Variants in C10orf90 observed in about 807,000 individuals in gnomAD.
The protein encoded by C10orf90 is chromosome 10 open reading frame 90.
C10orf90 carries 56 observed loss-of-function variants against 62.5 expected under a neutral mutation model. The ratio of observed to expected loss-of-function variants is 0.90; its 90% CI spans 0.72 to 1.12. The LOEUF (loss-of-function observed/expected upper bound fraction) is 1.12. Ranked by LOEUF, C10orf90 falls within the 50% of genes most tolerant of loss-of-function variation. The pLI is 0.00. For missense variants in C10orf90, 970 were observed against 880.4 expected (o/e 1.10, Z -1.29); for synonymous variants, 386 against 340.4 (o/e 1.13, Z -1.47).
At chr10:126,554,063 C>T (rs548707519) in intron 2 of C10orf90, among the ~76,000 whole-genome samples, 65 of 152,034 alleles carry the variant, frequency 4.3e-4, no homozygotes, top group Middle Eastern at 3.4e-3. Flanking sequence ...CAGACACACA[C>T]GCACACACAC....
chr10:126,574,079 A>G (rs1388604958), intron 2 of C10orf90, among the ~76,000 whole-genome samples: 1 of 152,214 alleles, frequency 6.6e-6, no homozygotes, highest in Non-Finnish European at 1.5e-5. Flanking sequence ...CCATAGAAGT[A>G]TAAAAAAGGG....
At chr10:126,470,102 C>T (rs772931823) in intron 4 of C10orf90, 2 of 444,694 alleles carry the variant, frequency 4.5e-6, no homozygotes, top group South Asian at 1.6e-5. Context: ...GGGGAAGGCA[C>T]TCTTCTGCAT....
chr10:126,457,584 G>C (rs960080870), intron 7 of C10orf90, among the ~76,000 whole-genome samples: 1 of 152,196 alleles, frequency 6.6e-6, no homozygotes, highest in Non-Finnish European at 1.5e-5. Flanking sequence ...TGTGAGTCTT[G>C]AGCTCTAAAG....
chr10:126,465,123 T>G (rs774832013), intron 4 of C10orf90, 137 bp from the exon 5 acceptor site: 123 of 825,118 alleles, frequency 1.5e-4, no homozygotes, highest in Non-Finnish European at 1.9e-4. Context: ...AGGAGGGCCA[T>G]CTGTATACAG....
rs111356116 is a variant in C10orf90, at chr10:126,621,746, A to G, written c.313+24819T>C. 4.9e-3 allele frequency among the ~76,000 whole-genome samples: 750 copies of G among 152,306 alleles called. 5 individuals are homozygous for G. Among genetic ancestry groups the G allele is most frequent in the African/African-American group, 0.016 (656 of 41,564 alleles). ...TCTGAGGCCGTTCCACTCATTCTTG[A>G]TATTAATAAAAATTCCTCTGTATGA... On this transcript the variant is annotated intron_variant, in intron 2 of 9. Transcript: ENST00000488181.
chr10:126,603,899 G>A (rs1845251890), intron 2 of C10orf90, among the ~76,000 whole-genome samples: 1 of 152,208 alleles, frequency 6.6e-6, no homozygotes, highest in Non-Finnish European at 1.5e-5. Context: ...ATCAAGGCCA[G>A]CTTGACAGGA....
chr10:126,634,701 A>T (rs556971526), intron 2 of C10orf90, among the ~76,000 whole-genome samples: 2 of 152,348 alleles, frequency 1.3e-5, no homozygotes, highest in Admixed American at 1.3e-4. Flanking sequence ...CCTCATAAAA[A>T]CAATGCAAGG....
rs536593861 is a variant in C10orf90, at chr10:126,524,076, T to C, written c.314-10137A>G. Among the ~76,000 whole-genome samples, 10 of 152,334 alleles carry C rather than the reference T, an allele frequency of 6.6e-5. No homozygotes were observed. In the East Asian group the frequency reaches 1.9e-3, roughly 29 times the overall value. ...TCTGATTTCAATTCCTTCTTAAGAA[T>C]TGTCTTTTGCCTTTCATGCTATGGT... On this transcript the variant is annotated intron_variant, in intron 2 of 9. Coordinates refer to ENST00000488181, the MANE Select transcript of C10orf90 (RefSeq NM_001350921.2).
chr10:126,571,491 C>T (rs1844505077), intron 2 of C10orf90, among the ~76,000 whole-genome samples: 1 of 152,176 alleles, frequency 6.6e-6, no homozygotes, highest in African/African-American at 2.4e-5. Flanking sequence ...ACTGGGAAGC[C>T]TCCAGGCATA....
chr10:126,440,511 C>T (rs1858236734), intron 7 of C10orf90, among the ~76,000 whole-genome samples: 1 of 152,148 alleles, frequency 6.6e-6, no homozygotes, highest in Non-Finnish European at 1.5e-5. Context: ...GCCCTGCCTA[C>T]TGCCGGTTCC....
At chr10:126,626,977 A>G in intron 2 of C10orf90, among the ~76,000 whole-genome samples, 1 of 140,356 alleles carries the variant, frequency 7.1e-6, no homozygotes. Flanking sequence ...TGTGATTTAG[A>G]TTTTTCTTTT....
intron 1 of C10orf90, among the ~76,000 whole-genome samples, chr10:126,662,690 A>G (rs1208192072): frequency 6.6e-6 from 1 of 152,164 alleles, no homozygotes; most frequent in African/African-American, 2.4e-5. Flanking sequence ...CCACTCTTCC[A>G]TAAAGAATGT....
intron 4 of C10orf90, among the ~76,000 whole-genome samples, chr10:126,471,067 G>T (rs547758391): frequency 1.3e-5 from 2 of 152,276 alleles, no homozygotes; most frequent in South Asian, 2.1e-4. Flanking sequence ...AGTCAAAAAA[G>T]GTAGGAGGAG....
At chr10:126,656,030 C>A (rs563620800) in intron 1 of C10orf90, among the ~76,000 whole-genome samples, 1 of 152,120 alleles carries the variant, frequency 6.6e-6, no homozygotes, top group South Asian at 2.1e-4. Flanking sequence ...GACTTTCACA[C>A]CTTCTCAGAA....
In C10orf90 at chr10:126,628,356, G is replaced by A. The variant is rs569457000; in HGVS notation, c.313+18209C>T. On this transcript the variant is annotated intron_variant, in intron 2 of 9. Coordinates refer to ENST00000488181, the MANE Select transcript of C10orf90 (RefSeq NM_001350921.2). ...CATTAGGTGGTGGAAAGGAAAAATGGGTGGGTGGATGGATGGATAGATCTA... is the reference window on the plus strand; with the variant it reads ...CATTAGGTGGTGGAAAGGAAAAATGAGTGGGTGGATGGATGGATAGATCTA... Among the ~76,000 whole-genome samples, 5 of 152,314 alleles carry A rather than the reference G, an allele frequency of 3.3e-5. No individual in the cohort carries two copies. The East Asian group carries it at 5.8e-4, about 18-fold the overall frequency.
chr10:126,588,525 T>G (rs1451366039), intron 2 of C10orf90, among the ~76,000 whole-genome samples: 1 of 152,170 alleles, frequency 6.6e-6, no homozygotes, highest in Non-Finnish European at 1.5e-5. Flanking sequence ...TGGTGATACC[T>G]CCAGGTGTGG....
rs368174052 is a variant in C10orf90 at position 126,634,923 on chromosome 10, A to G, written c.313+11642T>C. ...TCCGTGCTCTGGGCACCCCAAGCTA[A>G]GAATCCACATTCCCAAACTTCATCA... is the stretch of plus-strand genomic sequence containing the variant. On this transcript the variant is annotated intron_variant, in intron 2 of 9. Transcript: ENST00000488181. 5.3e-5 allele frequency among the ~76,000 whole-genome samples: 8 copies of G among 152,322 alleles called. No homozygotes were observed. The South Asian group carries it at 1.2e-3, about 24-fold the overall frequency.
chr10:126,430,234 C>T (rs1330772682), intron 7 of C10orf90, among the ~76,000 whole-genome samples: 1 of 152,254 alleles, frequency 6.6e-6, no homozygotes, highest in East Asian at 1.9e-4. Flanking sequence ...ACAAGGAAAT[C>T]CCCCACCTAT....
At chr10:126,631,378 G>A (rs1845847195) in intron 2 of C10orf90, among the ~76,000 whole-genome samples, 1 of 152,132 alleles carries the variant, frequency 6.6e-6, no homozygotes, top group Non-Finnish European at 1.5e-5. Flanking sequence ...TGCAGATCCT[G>A]CTTCCTCTCC....
Sources: allele counts gnomAD v4.1 joint callset (sites outside exome capture counted in the v4.1 genomes callset), GRCh38; gene constraint gnomAD v4.1.1; transcripts MANE v1.5; gene names NCBI Gene and HGNC (gene_info 2026-07-23, HGNC 2026-07-21).